The following NKX3-2 variants were observed in gnomAD, a reference collection of about 807,000 sequenced individuals.
The protein encoded by NKX3-2 is NK3 homeobox 2, also known as homeobox protein Nkx-3.2.
Under a neutral mutation model 19.4 loss-of-function variants are expected in NKX3-2, and 13 were observed. The observed-to-expected ratio is 0.67, with a 90% confidence interval of 0.44 to 1.07. The LOEUF is 1.07. NKX3-2 is among the 50% of genes least tolerant of loss of function. NKX3-2 has a pLI of 0.00. For missense variants in NKX3-2, 562 were observed against 488.2 expected (o/e 1.15, Z -1.42); for synonymous variants, 269 against 230.5 (o/e 1.17, Z -1.51).
upstream of NKX3-2, chr4:13,546,309 T>C: frequency 6.5e-6 from 1 of 153,996 alleles, no homozygotes; most frequent in Non-Finnish European, 1.4e-5. Context: ...GCAAACCTTG[T>C]AGGGTACCTG....
upstream of NKX3-2, chr4:13,544,607 T>G: frequency 3.1e-6 from 1 of 321,578 alleles, no homozygotes; most frequent in Non-Finnish European, 5.6e-6. Context: ...GCCCCCACCT[T>G]AGAGGCCCAC....
upstream of NKX3-2, chr4:13,546,709 C>CACCGAATA (rs1718139711): frequency 2.8e-6 from 1 of 354,388 alleles, no homozygotes; most frequent in Non-Finnish European, 5.6e-6. Context: ...GGGGCTGAAT[C>CACCGAATA]ACCGAATACT....
chr4:13,542,226 G>T lies in NKX3-2; in HGVS notation c.769C>A (p.Arg257Ser). ...ETQVKIWFQN[R>S]RYKTKRRQMA... ...TGCCGGCGCTTTGTCTTGTAGCGACGGTTCTGGAACCAGATTTTCACCTGC... is the reference window on the plus strand; with the variant it reads ...TGCCGGCGCTTTGTCTTGTAGCGACTGTTCTGGAACCAGATTTTCACCTGC... The change falls in exon 2 of 2, where the codon CGT becomes AGT. Residue 257 changes from arginine to serine, a missense_variant. Coordinates refer to ENST00000382438, the MANE Select transcript of NKX3-2 (RefSeq NM_001189.4). The surrounding 1 kb of genome is among the most constrained non-coding windows in gnomAD (Gnocchi z 6.4). The T allele has an allele frequency of 1.9e-6, 3 of 1,611,754 alleles. No homozygotes were observed. The highest frequency in any genetic ancestry group is 2.5e-6 in the Non-Finnish European group (3 of 1,179,282).
Position 13,541,718 on chromosome 4 carries a change from A to T in NKX3-2, c.*275T>A. On this transcript the variant is annotated 3_prime_UTR_variant, in exon 2 of 2. Transcript: ENST00000382438. ...ATCAAAATTTAATTCCAACATTGTC[A>T]TGATAATAAATAGAGCCCAGGGGCT... 4.8e-6 allele frequency: 2 copies of T among 418,068 alleles called. No individual in the cohort carries two copies. The highest frequency in any genetic ancestry group is 8.5e-6 in the Non-Finnish European group (2 of 235,686). The allele number at this position is 418,068 out of a possible 1,614,324, so 25.9% of individuals were successfully genotyped here.
At chr4:13,545,003 T>C (rs1401913508), upstream of NKX3-2, 1 of 152,136 alleles carries the variant, frequency 6.6e-6, no homozygotes, top group Non-Finnish European at 1.5e-5. Context: ...TTTATCTGTT[T>C]CTTTTCTCTT....
rs1043621564 is a variant in NKX3-2, at chr4:13,540,977, G to A, written c.*1016C>T. On this transcript the variant is annotated 3_prime_UTR_variant, in exon 2 of 2. Coordinates refer to ENST00000382438, the MANE Select transcript of NKX3-2 (RefSeq NM_001189.4). ...AGCGGCGAGGTTGACAAGACAGGTGGGATCACCTGTTTAAGGGTAAGTGAG... is the reference window on the plus strand; with the variant it reads ...AGCGGCGAGGTTGACAAGACAGGTGAGATCACCTGTTTAAGGGTAAGTGAG... 3.3e-5 allele frequency: 5 copies of A among 152,264 alleles called. No homozygotes were observed. The highest frequency in any genetic ancestry group is 1.2e-4 in the African/African-American group (5 of 41,454). 9.4% of individuals were successfully genotyped at this position (152,264 alleles called of 1,614,324 possible). A position where few individuals can be genotyped will look rare whatever the true frequency, so the allele number is the denominator to read the frequency against.
chr4:13,546,359 CT>C (rs1380205547), upstream of NKX3-2: 1 of 157,238 alleles, frequency 6.4e-6, no homozygotes, highest in East Asian at 1.8e-4. Context: ...CTTTACAGCT[CT>C]TTACAATTAC....
At chr4:13,547,009 G>C (rs1312149743), upstream of NKX3-2, 2 of 456,170 alleles carry the variant, frequency 4.4e-6, no homozygotes, top group Non-Finnish European at 8.8e-6. Context: ...GGGCCATTAC[G>C]GCGCTTAGTC....
upstream of NKX3-2, chr4:13,544,636 C>A (rs1365589793): frequency 2.0e-5 from 6 of 307,334 alleles, no homozygotes; most frequent in East Asian, 3.3e-4. Context: ...GAGACCCCCT[C>A]CCCCCGAATC....
In NKX3-2 at chr4:13,541,667, C is replaced by T; in HGVS notation, c.*326G>A. 3.3e-6 allele frequency: 1 copy of T among 304,592 alleles called. No homozygotes were observed. The highest frequency in any genetic ancestry group is 7.4e-5 in the South Asian group (1 of 13,536). The allele number at this position is 304,592 out of a possible 1,614,324, so 18.9% of individuals were successfully genotyped here. A position where few individuals can be genotyped will look rare whatever the true frequency, so the allele number is the denominator to read the frequency against. On this transcript the variant is annotated 3_prime_UTR_variant, in exon 2 of 2. Transcript: ENST00000382438. ...TCCAGGAGTTGCCGCTCAGGGAAAACCCCACCCCCAGGCAGACATATTCGA... is the reference window on the plus strand; with the variant it reads ...TCCAGGAGTTGCCGCTCAGGGAAAATCCCACCCCCAGGCAGACATATTCGA...
upstream of NKX3-2, among the ~76,000 whole-genome samples, chr4:13,545,644 C>T (rs892083889): frequency 1.3e-5 from 2 of 152,024 alleles, no homozygotes; most frequent in Non-Finnish European, 2.9e-5. Flanking sequence ...TGAAAGGCAT[C>T]TTTGGGAGAA....
chr4:13,542,399 G>T lies in NKX3-2; in HGVS notation c.596C>A (p.Pro199Gln), dbSNP rs757083947. 1.1e-4 allele frequency: 164 copies of T among 1,511,294 alleles called. No homozygotes were observed. Among genetic ancestry groups the T allele is most frequent in the Non-Finnish European group, 1.3e-4 (145 of 1,137,238 alleles). The allele number at this position is 1,511,294 out of a possible 1,614,324, so 93.6% of individuals were successfully genotyped here. Residue 199 changes from proline to glutamine, a missense_variant, in exon 2 of 2, where the codon CCG (proline) becomes CAG (glutamine). Pro to Gln is a moderately conservative substitution (Grantham distance 76). Coordinates refer to ENST00000382438, the MANE Select transcript of NKX3-2 (RefSeq NM_001189.4). The surrounding 1 kb of genome is among the most constrained non-coding windows in gnomAD (Gnocchi z 6.4). ...CTTCTTGCGTGGCTTGGGCGCCGCCGGCTCCTCCTCCTCCTCCGCGACGCC... is the reference window on the plus strand; with the variant it reads ...CTTCTTGCGTGGCTTGGGCGCCGCCTGCTCCTCCTCCTCCTCCGCGACGCC... ...PAGVAEEEEE[P>Q]AAPKPRKKRS...
Position 13,542,421 on chromosome 4 carries a change from C to G in NKX3-2, c.574G>C (p.Val192Leu), listed in dbSNP as rs1171095011. ...GGGGGSGPAG[V>L]AEEEEEPAAP... ...GCCGGCTCCTCCTCCTCCTCCGCGA[C>G]GCCTGCCGGCCCGCTGCCGCCCCCG... is the stretch of plus-strand genomic sequence containing the variant. Residue 192 changes from valine to leucine, a missense_variant, in exon 2 of 2, where the codon GTC (valine) becomes CTC (leucine). Transcript: ENST00000382438. The surrounding 1 kb of genome is among the most constrained non-coding windows in gnomAD (Gnocchi z 6.4). 2 of 1,535,482 alleles carry G rather than the reference C, an allele frequency of 1.3e-6. No homozygotes were observed. The highest frequency in any genetic ancestry group is 4.9e-5 in the East Asian group (2 of 41,178).
At chr4:13,546,233 C>G (rs1718129432), upstream of NKX3-2, 1 of 152,294 alleles carries the variant, frequency 6.6e-6, no homozygotes, top group African/African-American at 2.4e-5. Context: ...TTCTCAGTCT[C>G]AGAATGAGGT....
chr4:13,546,844 T>C (rs1423703339), upstream of NKX3-2: 1 of 443,908 alleles, frequency 2.3e-6, no homozygotes, highest in African/African-American at 2.0e-5. Context: ...GACATACTCC[T>C]GCCACAGCCT....
rs376860038 is a variant in NKX3-2 at position 13,542,327 on chromosome 4, C to T, written c.668G>A (p.Arg223His). 40 of 1,578,250 alleles carry T rather than the reference C, an allele frequency of 2.5e-5. No individual in the cohort carries two copies. The highest frequency in any genetic ancestry group is 4.6e-5 in the East Asian group (2 of 43,466). The change falls in exon 2 of 2, where the codon CGC becomes CAC. Residue 223 changes from arginine (R) to histidine (H), a missense_variant. Transcript: ENST00000382438. This position sits in a 1 kb window ranked among gnomAD's most constrained non-coding sequence, Gnocchi z 6.4. ...FSHAQVFELE[R>H]RFNHQRYLSG... The stretch of plus-strand genomic sequence containing the variant: ...CAGGTAGCGCTGGTGGTTAAAGCGG[C>T]GCTCCAGCTCGAAGACCTGCGCGTG...
In NKX3-2 at chr4:13,544,042, G is replaced by A. The variant is rs754779348; in HGVS notation, c.373C>T (p.Leu125Phe). Reference sequence around the variant, plus strand: ...GCCAGCTCACAGACCGGCTGGCCGAGGCTCAAGGATCCCCCCGCAAGGCCG... The same window carrying A: ...GCCAGCTCACAGACCGGCTGGCCGAAGCTCAAGGATCCCCCCGCAAGGCCG... ...GAGLAGGSLSLGQPVCELAAS... is the reference protein window; with the variant it reads ...GAGLAGGSLSFGQPVCELAAS... The change falls in exon 1 of 2, where the codon CTC (leucine) becomes TTC (phenylalanine). Residue 125 changes from leucine (L) to phenylalanine (F), a missense_variant. Transcript: ENST00000382438. The A allele has an allele frequency of 6.4e-6, 10 of 1,565,276 alleles. No homozygotes were observed. The South Asian group carries it at 8.3e-5, about 13-fold the overall frequency.
rs1341681506 is a variant in NKX3-2 at position 13,542,141 on chromosome 4, A to G, written c.854T>C (p.Leu285Pro). The part of the protein sequence containing the change: ...PAAKKVAVKV[L>P]VRDDQRQYLP... ...GTATTGTCTCTGGTCGTCGCGCACCAGCACCTTTACGGCCACCTTCTTGGC... is the reference window on the plus strand; with the variant it reads ...GTATTGTCTCTGGTCGTCGCGCACCGGCACCTTTACGGCCACCTTCTTGGC... Residue 285 changes from leucine (L) to proline (P), a missense_variant, in exon 2 of 2, where the codon CTG (leucine) becomes CCG (proline). By Grantham distance (98) the Leu-to-Pro change is moderately conservative (BLOSUM62 -3). Coordinates refer to ENST00000382438, the MANE Select transcript of NKX3-2 (RefSeq NM_001189.4). The surrounding 1 kb of genome is among the most constrained non-coding windows in gnomAD (Gnocchi z 6.4). 2 of 1,612,464 alleles carry G rather than the reference A, an allele frequency of 1.2e-6. No individual in the cohort carries two copies. The highest frequency in any genetic ancestry group is 1.7e-6 in the Non-Finnish European group (2 of 1,179,256).
rs111283169 is a variant in NKX3-2 at position 13,542,053 on chromosome 4, C to T, written c.942G>A (p.Pro314=). Residue 314 remains proline, a synonymous_variant, in exon 2 of 2, where the codon CCG becomes CCA. Transcript: ENST00000382438. This position sits in a 1 kb window ranked among gnomAD's most constrained non-coding sequence, Gnocchi z 6.4. ...GCGCCCAGCCTGGGAGGCAGTAGTA[C>T]GGGTAATAGTAGGAGGGCTGCAGTG... ...LLPLQPSYYY[P]YYCLPGWALS... 5 of 1,606,442 alleles carry T rather than the reference C, an allele frequency of 3.1e-6. No individual in the cohort carries two copies. The highest frequency in any genetic ancestry group is 4.2e-6 in the Non-Finnish European group (5 of 1,176,596).
Sources: gnomAD v4.1 joint callset for allele counts (sites outside exome capture counted in the v4.1 genomes callset) on GRCh38, gnomAD v4.1.1 for gene constraint, Gnocchi (gnomAD v3.1) non-coding constraint, MANE v1.5 for transcripts, NCBI Gene and HGNC (gene_info 2026-07-23, HGNC 2026-07-21) for gene names.